ZC3H6: variants seen among roughly 807,000 people sequenced by gnomAD.
The protein encoded by ZC3H6 is zinc finger CCCH domain-containing protein 6.
Under a neutral mutation model 107.7 loss-of-function variants are expected in ZC3H6, and 40 were observed. That is an observed-to-expected ratio of 0.37 (90% confidence interval 0.29 to 0.48). The LOEUF (loss-of-function observed/expected upper bound fraction) is 0.48. Ranked by LOEUF, ZC3H6 falls within the 20% of genes least tolerant of loss-of-function variation. The pLI, the probability that ZC3H6 is intolerant of heterozygous loss-of-function variation, is 0.98. For synonymous variants in ZC3H6, 493 were observed against 487.9 expected (o/e 1.01, Z -0.14); for missense variants, 1,267 against 1,410.4 (o/e 0.90, Z 1.63).
intron 5 of ZC3H6, among the ~76,000 whole-genome samples, 151 bp from the exon 6 acceptor site, chr2:112,316,315 ATATC>A (rs1558954187): frequency 6.6e-6 from 1 of 152,160 alleles, no homozygotes; most frequent in Admixed American, 6.5e-5. Context: ...TACTAGACAC[ATATC>A]TCTCTCCAAA....
chr2:112,287,918 AG>A lies in ZC3H6; in HGVS notation c.32+11894del, dbSNP rs561832128. ...CCCCCGGCCGTTGGAAACATTTTGA[AG>A]GAACTCTTTGTAAATAAAATACATG... On this transcript the variant is annotated intron_variant, in intron 1 of 11. Transcript: ENST00000409871. 2.8e-3 allele frequency among the ~76,000 whole-genome samples: 431 copies of A among 152,328 alleles called. 1 individual carries two copies. Among genetic ancestry groups the A allele is most frequent in the Non-Finnish European group, 3.7e-3 (252 of 68,022 alleles).
intron 6 of ZC3H6, 67 bp from the exon 7 acceptor site, chr2:112,317,154 T>G: frequency 1.2e-6 from 1 of 862,942 alleles, no homozygotes; most frequent in Non-Finnish European, 1.7e-6. Context: ...AATTCAGCTG[T>G]TGTTTCTTTG....
rs928892072 is a variant in ZC3H6, at chr2:112,337,696, A to C, written c.*5208A>C. The C allele has an allele frequency of 6.9e-6, 1 of 145,750 alleles. No individual in the cohort carries two copies. Among genetic ancestry groups the C allele is most frequent in the Non-Finnish European group, 1.5e-5 (1 of 66,078 alleles). The allele number at this position is 145,750 out of a possible 1,614,324, so 9.0% of individuals were successfully genotyped here. A position where few individuals can be genotyped will look rare whatever the true frequency, so the allele number is the denominator to read the frequency against. ...AAGTGCAGTGGCGCTATCAGCTCAC[A>C]GCAGCCTCCGCCTCCCAGGTTCAAG... On this transcript the variant is annotated 3_prime_UTR_variant, in exon 12 of 12. Coordinates refer to ENST00000409871, the MANE Select transcript of ZC3H6 (RefSeq NM_198581.3).
intron 1 of ZC3H6, among the ~76,000 whole-genome samples, chr2:112,287,750 T>C (rs996534022): frequency 6.6e-6 from 1 of 152,156 alleles, no homozygotes; most frequent in Admixed American, 6.5e-5. Flanking sequence ...TACAGGCGCA[T>C]GCCACCACGC....
intron 4 of ZC3H6, among the ~76,000 whole-genome samples, chr2:112,311,339 CT>C (rs958825877): frequency 3.3e-5 from 5 of 152,164 alleles, no homozygotes; most frequent in African/African-American, 1.2e-4. Context: ...TTTTTACATA[CT>C]TTTAAATACC....
intron 1 of ZC3H6, among the ~76,000 whole-genome samples, chr2:112,295,001 G>A (rs1338492678): frequency 6.6e-6 from 1 of 151,344 alleles, no homozygotes; most frequent in Non-Finnish European, 1.5e-5. Flanking sequence ...ATTCAGAGTA[G>A]TACAGTCATT....
At chr2:112,276,166 T>C (rs891052810) in intron 1 of ZC3H6, 140 bp downstream of exon 1, 8 of 600,386 alleles carry the variant, frequency 1.3e-5, no homozygotes, top group East Asian at 3.8e-5. Context: ...CGCACTCTTA[T>C]GTAAACTGCT....
chr2:112,315,091 C>T (rs549560050), intron 5 of ZC3H6, among the ~76,000 whole-genome samples: 7 of 152,174 alleles, frequency 4.6e-5, no homozygotes, highest in Non-Finnish European at 5.9e-5. Flanking sequence ...AAAGGGAAAA[C>T]AGAAATCAAA....
chr2:112,313,257 T>C (rs1175918541), intron 5 of ZC3H6, among the ~76,000 whole-genome samples: 1 of 152,190 alleles, frequency 6.6e-6, no homozygotes, highest in East Asian at 1.9e-4. Context: ...ACAGCAGCTT[T>C]GGAATTACTA....
intron 9 of ZC3H6, 126 bp downstream of exon 9, chr2:112,323,028 C>T: frequency 9.8e-7 from 1 of 1,022,662 alleles, no homozygotes; most frequent in Non-Finnish European, 1.4e-6. Context: ...ATCTGGCATG[C>T]ACGCAGATTG....
chr2:112,300,051 A>G, intron 2 of ZC3H6, 22 bp downstream of exon 2: 1 of 1,330,452 alleles, frequency 7.5e-7, no homozygotes, highest in Non-Finnish European at 9.8e-7. Context: ...TCTACTTTTT[A>G]TTCTTTTGAT....
At chr2:112,276,271 C>T (rs961265977) in intron 1 of ZC3H6, among the ~76,000 whole-genome samples, 2 of 149,020 alleles carry the variant, frequency 1.3e-5, no homozygotes, top group African/African-American at 4.9e-5. Context: ...CGGCCGGGCA[C>T]GTGCGAGCCC....
chr2:112,309,628 A>C (rs1676557539), intron 3 of ZC3H6, among the ~76,000 whole-genome samples: 1 of 152,194 alleles, frequency 6.6e-6, no homozygotes, highest in South Asian at 2.1e-4. Flanking sequence ...TCCTGTGTGT[A>C]AGATACTGAG....
intron 4 of ZC3H6, among the ~76,000 whole-genome samples, chr2:112,310,456 A>T (rs553646367): frequency 6.6e-6 from 1 of 152,354 alleles, no homozygotes; most frequent in South Asian, 2.1e-4. Context: ...GTATACAGTT[A>T]TCTCTGTTGC....
chr2:112,331,210 A>G lies in ZC3H6; in HGVS notation c.2292A>G (p.Pro764=), dbSNP rs781567516. ...TTGACCCTAGGCTTAGGACTATCCC[A>G]AGGCAAGACATTAGAAAGCCTTCTG... ...QVVDPRLRTI[P]RQDIRKPSES... The change falls in exon 12 of 12, where the codon CCA becomes CCG. Residue 764 remains proline (P), a synonymous_variant. Coordinates refer to ENST00000409871, the MANE Select transcript of ZC3H6 (RefSeq NM_198581.3). The G allele has an allele frequency of 1.9e-6, 3 of 1,613,294 alleles. No homozygotes were observed. Among genetic ancestry groups the G allele is most frequent in the Admixed American group, 1.7e-5 (1 of 59,880 alleles).
At position 112,324,998 on chromosome 2, in the gene ZC3H6, G is replaced by A; in HGVS notation, c.1887G>A (p.Gln629=). 6.2e-7 allele frequency: 1 copy of A among 1,611,048 alleles called. No individual in the cohort carries two copies. The highest frequency in any genetic ancestry group is 8.5e-7 in the Non-Finnish European group (1 of 1,178,468). The part of the protein sequence containing the change: ...GMWHGEFAQQ[Q]PPVVQDSPNH... ...GGCATGGTGAATTTGCCCAGCAGCAGCCTCCTGTTGTTCAAGACTCACCTA... is the reference window on the plus strand; with the variant it reads ...GGCATGGTGAATTTGCCCAGCAGCAACCTCCTGTTGTTCAAGACTCACCTA... Residue 629 remains glutamine (Q), a synonymous_variant, in exon 11 of 12, where the codon CAG becomes CAA. Coordinates refer to ENST00000409871, the MANE Select transcript of ZC3H6 (RefSeq NM_198581.3).
At chr2:112,304,773 C>T (rs569322770) in intron 3 of ZC3H6, among the ~76,000 whole-genome samples, 1 of 152,326 alleles carries the variant, frequency 6.6e-6, no homozygotes, top group Middle Eastern at 3.4e-3. Flanking sequence ...TTGCCAGTCT[C>T]ACTGTTCTGG....
At chr2:112,324,099 C>G in intron 9 of ZC3H6, 53 bp from the exon 10 acceptor site, 1 of 1,501,906 alleles carries the variant, frequency 6.7e-7, no homozygotes, top group South Asian at 1.4e-5. Context: ...TGTTAACATT[C>G]TTGTTTGTTT....
chr2:112,277,402 T>A (rs1573941954), intron 1 of ZC3H6, among the ~76,000 whole-genome samples: 2 of 152,072 alleles, frequency 1.3e-5, no homozygotes, highest in Admixed American at 6.6e-5. Flanking sequence ...TTTTTTTTTT[T>A]AATATGGAAG....
Sources: allele counts gnomAD v4.1 joint callset (sites outside exome capture counted in the v4.1 genomes callset), GRCh38; gene constraint gnomAD v4.1.1; transcripts MANE v1.5; gene names NCBI Gene and HGNC (gene_info 2026-07-23, HGNC 2026-07-21).